CASZ1: variants seen among roughly 807,000 people sequenced by gnomAD.
CASZ1 encodes the protein castor zinc finger 1, also known as zinc finger protein castor homolog 1.
Under a neutral mutation model 135.2 loss-of-function variants are expected in CASZ1, and 28 were observed. The ratio of observed to expected loss-of-function variants is 0.21; its 90% CI spans 0.15 to 0.28. CASZ1 has a LOEUF of 0.28. CASZ1 is among the 10% of genes least tolerant of loss of function. CASZ1 has a pLI of 1.00. For missense variants in CASZ1, 2,161 were observed against 2,453.3 expected (o/e 0.88, Z 2.52); for synonymous variants, 1,068 against 1,073.4 (o/e 0.99, Z 0.10).
intron 18 of CASZ1, among the ~76,000 whole-genome samples, chr1:10,643,758 G>C (rs1156616078): frequency 6.6e-6 from 1 of 152,216 alleles, no homozygotes; most frequent in African/African-American, 2.4e-5. Context: ...AAACAGAGCA[G>C]GCGGGACTGA....
In CASZ1 at chr1:10,699,988, C is replaced by T. The variant is rs1639023082; in HGVS notation, c.-24+5504G>A. Among the ~76,000 whole-genome samples, 1 of 150,298 alleles carries T rather than the reference C, an allele frequency of 6.7e-6. No homozygotes were observed. The highest frequency in any genetic ancestry group is 1.5e-5 in the Non-Finnish European group (1 of 67,566). ...AGAGACAGAGAGAGAGAAAGAGAGA[C>T]AGGCAGAGAGAGAGAGAGAAACAGA... On this transcript the variant is annotated intron_variant, in intron 3 of 20. Transcript: ENST00000377022. This position sits in a 1 kb window ranked among gnomAD's most constrained non-coding sequence, Gnocchi z 4.6.
rs1553138511 is a variant in CASZ1, at chr1:10,741,790, T to TTATATTTATATATATA, written c.-77+18910_-77+18911insTATATATATAAATATA. On this transcript the variant is annotated intron_variant, in intron 2 of 20. Transcript: ENST00000377022. The surrounding 1 kb of genome is among the most constrained non-coding windows in gnomAD (Gnocchi z 5.0). Reference sequence around the variant, plus strand: ...CTTTACAAACGACTTTTATACATATTTATATATATATATAGTTATATATTA... The same window carrying TTATATTTATATATATA: ...CTTTACAAACGACTTTTATACATATTTATATTTATATATATATATATATATATATAGTTATATATTA... 2.6e-5 allele frequency among the ~76,000 whole-genome samples: 4 copies of TTATATTTATATATATA among 151,170 alleles called. No individual in the cohort carries two copies. The East Asian group carries it at 7.7e-4, about 29-fold the overall frequency.
chr1:10,727,135 T>C lies in CASZ1; in HGVS notation c.-76-21591A>G, dbSNP rs1334304458. ...GCCCAGCCCACCAGGGAGGGTGGCATGGAAACAGCCTGGAGAAGGAAGAGG... is the reference window on the plus strand; with the variant it reads ...GCCCAGCCCACCAGGGAGGGTGGCACGGAAACAGCCTGGAGAAGGAAGAGG... On this transcript the variant is annotated intron_variant, in intron 2 of 20. Coordinates refer to ENST00000377022, the MANE Select transcript of CASZ1 (RefSeq NM_001079843.3). This position sits in a 1 kb window ranked among gnomAD's most constrained non-coding sequence, Gnocchi z 5.3. Among the ~76,000 whole-genome samples, 2 of 151,696 alleles carry C rather than the reference T, an allele frequency of 1.3e-5. No homozygotes were observed. The highest frequency in any genetic ancestry group is 2.9e-5 in the Non-Finnish European group (2 of 67,906).
rs1286595128 is a variant in CASZ1, at chr1:10,788,992, C to T, written c.-234+7572G>A. On this transcript the variant is annotated intron_variant, in intron 1 of 20. Transcript: ENST00000377022. This position sits in a 1 kb window ranked among gnomAD's most constrained non-coding sequence, Gnocchi z 4.1. Reference sequence around the variant, plus strand: ...TCCCTCCTGCTTCTCACAGTGGCCACTGCAGGGGAGCCCAAGGGGACAGTA... The same window carrying T: ...TCCCTCCTGCTTCTCACAGTGGCCATTGCAGGGGAGCCCAAGGGGACAGTA... 1.3e-5 allele frequency among the ~76,000 whole-genome samples: 2 copies of T among 152,200 alleles called. No homozygotes were observed. The highest frequency in any genetic ancestry group is 1.5e-5 in the Non-Finnish European group (1 of 68,016).
rs1639863856 is a variant in CASZ1, at chr1:10,739,159, G to A, written c.-77+21542C>T. On this transcript the variant is annotated intron_variant, in intron 2 of 20. Transcript: ENST00000377022. This position sits in a 1 kb window ranked among gnomAD's most constrained non-coding sequence, Gnocchi z 4.8. ...AAACAAGTCACCCAGGCATCTTGTGGAGGGTGGCTGCTCTTTTCAGGCCGG... is the reference window on the plus strand; with the variant it reads ...AAACAAGTCACCCAGGCATCTTGTGAAGGGTGGCTGCTCTTTTCAGGCCGG... Among the ~76,000 whole-genome samples the A allele has an allele frequency of 6.6e-6, 1 of 152,132 alleles. No homozygotes were observed. The highest frequency in any genetic ancestry group is 6.5e-5 in the Admixed American group (1 of 15,286).
chr1:10,796,473 G>A (rs964603352), intron 1 of CASZ1, 91 bp downstream of exon 1: 1 of 152,090 alleles, frequency 6.6e-6, no homozygotes, highest in African/African-American at 2.4e-5. Flanking sequence ...GGTGCACCGG[G>A]ACAGGGGGAG....
rs909890938 is a variant in CASZ1 at position 10,719,639 on chromosome 1, C to T, written c.-76-14095G>A. Reference sequence around the variant, plus strand: ...GGCTCAGGTGAGCAGATGCATGACTCAATTCAACCAGGGAGCTGGGCCATG... The same window carrying T: ...GGCTCAGGTGAGCAGATGCATGACTTAATTCAACCAGGGAGCTGGGCCATG... On this transcript the variant is annotated intron_variant, in intron 2 of 20. Transcript: ENST00000377022. The surrounding 1 kb of genome is among the most constrained non-coding windows in gnomAD (Gnocchi z 4.0). 3.9e-5 allele frequency among the ~76,000 whole-genome samples: 6 copies of T among 152,224 alleles called. No individual in the cohort carries two copies. The highest frequency in any genetic ancestry group is 8.8e-5 in the Non-Finnish European group (6 of 68,038).
In CASZ1 at chr1:10,657,079, G is replaced by A. The variant is rs974109961; in HGVS notation, c.1410-343C>T. On this transcript the variant is annotated intron_variant, in intron 7 of 20. Transcript: ENST00000377022. The surrounding 1 kb of genome is among the most constrained non-coding windows in gnomAD (Gnocchi z 5.7). ...GGGCTACCTGCCCCACTCCCAGCCC[G>A]CCCAGTTCTGGCCAGGTGCAGAGAC... Among the ~76,000 whole-genome samples the A allele has an allele frequency of 2.0e-5, 3 of 152,200 alleles. No individual in the cohort carries two copies. Among genetic ancestry groups the A allele is most frequent in the Non-Finnish European group, 2.9e-5 (2 of 68,038 alleles).
At chr1:10,787,506 CG>C (rs1411719591) in intron 1 of CASZ1, among the ~76,000 whole-genome samples, 2 of 152,194 alleles carry the variant, frequency 1.3e-5, no homozygotes, top group African/African-American at 4.8e-5. Context: ...CTGAGCTCCC[CG>C]GGGGCGAGGG....
chr1:10,726,459 G>A lies in CASZ1; in HGVS notation c.-76-20915C>T, dbSNP rs1193342684. On this transcript the variant is annotated intron_variant, in intron 2 of 20. Transcript: ENST00000377022. The surrounding 1 kb of genome is among the most constrained non-coding windows in gnomAD (Gnocchi z 5.7). ...CTGGCTGGAGCCGGAGGGAGGAGGAGGGCGGTGTAGTCCTCCAGGCTGGCC... is the reference window on the plus strand; with the variant it reads ...CTGGCTGGAGCCGGAGGGAGGAGGAAGGCGGTGTAGTCCTCCAGGCTGGCC... Among the ~76,000 whole-genome samples, 1 of 152,216 alleles carries A rather than the reference G, an allele frequency of 6.6e-6. No homozygotes were observed. Among genetic ancestry groups the A allele is most frequent in the Non-Finnish European group, 1.5e-5 (1 of 68,034 alleles).
chr1:10,654,352 C>T (rs534641304), intron 10 of CASZ1, 67 bp downstream of exon 10: 73 of 1,586,192 alleles, frequency 4.6e-5, no homozygotes, highest in African/African-American at 5.4e-5. Flanking sequence ...AGCCGTCCCA[C>T]GAGCCTGGGT....
chr1:10,693,933 G>A (rs1205820801), intron 3 of CASZ1, 21 bp from the exon 4 acceptor site: 3 of 1,610,542 alleles, frequency 1.9e-6, no homozygotes, highest in East Asian at 4.5e-5. Context: ...CGCCACCAGG[G>A]GAAGACCGGG....
Position 10,660,507 on chromosome 1 carries a change from C to G in CASZ1, c.535G>C (p.Ala179Pro). The G allele has an allele frequency of 6.2e-7, 1 of 1,613,526 alleles. No homozygotes were observed. The highest frequency in any genetic ancestry group is 8.5e-7 in the Non-Finnish European group (1 of 1,179,936). Reference sequence around the variant, plus strand: ...CCGAGGAACTCGGTCATGGTGGAGGCCGCGTAGTCCCGCAGCGAGGAGGCC... The same window carrying G: ...CCGAGGAACTCGGTCATGGTGGAGGGCGCGTAGTCCCGCAGCGAGGAGGCC... ...GEASSLRDYA[A>P]STMTEFLGMF... The change falls in exon 6 of 21, where the codon GCC becomes CCC. Residue 179 changes from alanine (A) to proline (P), a missense_variant. Physicochemically the swap from Ala to Pro is conservative, Grantham distance 27 (BLOSUM62 -1). Transcript: ENST00000377022.
rs917813944 is a variant in CASZ1 at position 10,706,496 on chromosome 1, A to G, written c.-76-952T>C. ...TCAATGATGCAAGAGGAATAACACC[A>G]ATTTCCTTAGGCTATGTAATCCCCA... On this transcript the variant is annotated intron_variant, in intron 2 of 20. Transcript: ENST00000377022. The surrounding 1 kb of genome is among the most constrained non-coding windows in gnomAD (Gnocchi z 4.3). Among the ~76,000 whole-genome samples, 1 of 152,072 alleles carries G rather than the reference A, an allele frequency of 6.6e-6. No homozygotes were observed. Among genetic ancestry groups the G allele is most frequent in the Non-Finnish European group, 1.5e-5 (1 of 67,996 alleles).
chr1:10,768,099 T>C (rs1176007474), intron 1 of CASZ1, among the ~76,000 whole-genome samples: 1 of 152,194 alleles, frequency 6.6e-6, no homozygotes, highest in Non-Finnish European at 1.5e-5. Context: ...GCCTCTACCA[T>C]GGTGCTTCCC....
chr1:10,718,170 A>G (rs570958477), intron 2 of CASZ1, among the ~76,000 whole-genome samples: 1 of 152,262 alleles, frequency 6.6e-6, no homozygotes, highest in South Asian at 2.1e-4. Flanking sequence ...CGGCTCTGCT[A>G]AGTGAGAGAT....
intron 4 of CASZ1, among the ~76,000 whole-genome samples, chr1:10,686,443 C>T (rs1357993373): frequency 2.6e-5 from 4 of 152,246 alleles, no homozygotes; most frequent in Non-Finnish European, 5.9e-5. Flanking sequence ...TCACCTTTCT[C>T]CTTCCTGTTT....
intron 1 of CASZ1, among the ~76,000 whole-genome samples, chr1:10,764,515 G>C (rs1285978194): frequency 6.6e-6 from 1 of 152,228 alleles, no homozygotes; most frequent in Non-Finnish European, 1.5e-5. Flanking sequence ...CACAAAGGCA[G>C]AAATGGTTAT....
chr1:10,680,346 C>G (rs1638374880), intron 4 of CASZ1, among the ~76,000 whole-genome samples: 1 of 152,000 alleles, frequency 6.6e-6, no homozygotes, highest in African/African-American at 2.4e-5. Context: ...TGAACTTGGA[C>G]CCCCAGGGCC....
Sources: allele counts gnomAD v4.1 joint callset (sites outside exome capture counted in the v4.1 genomes callset), GRCh38; gene constraint gnomAD v4.1.1; non-coding constraint Gnocchi (gnomAD v3.1); transcripts MANE v1.5; gene names NCBI Gene and HGNC (gene_info 2026-07-23, HGNC 2026-07-21).